Variants in PSMD9 observed in about 807,000 individuals in gnomAD.
PSMD9 encodes 26S proteasome non-ATPase regulatory subunit 9.
A neutral mutation model predicts 25.9 loss-of-function variants in PSMD9; 26 were observed. That is an observed-to-expected ratio of 1.00 (90% CI 0.73 to 1.39). PSMD9 has a LOEUF of 1.39. PSMD9 is among the 40% of genes most tolerant of loss of function. The probability of loss-of-function intolerance (pLI) is 0.00; values close to 1 mark genes in which losing one functional copy is unlikely to be tolerated. For synonymous variants in PSMD9, 110 were observed against 114.5 expected (o/e 0.96, Z 0.25); for missense variants, 303 against 299.3 (o/e 1.01, Z -0.09).
intron 3 of PSMD9, among the ~76,000 whole-genome samples, chr12:121,901,461 G>A (rs924370280): frequency 6.6e-6 from 1 of 152,000 alleles, no homozygotes; most frequent in South Asian, 2.1e-4. Flanking sequence ...TGATCCTCCT[G>A]TCTCAGCCTC....
At chr12:121,915,373 G>A (rs1403737083) in intron 4 of PSMD9, 1 of 152,342 alleles carries the variant, frequency 6.6e-6, no homozygotes, top group African/African-American at 2.4e-5. Context: ...TTCATACTTT[G>A]GTGGGGTTTT....
intron 4 of PSMD9, chr12:121,911,084 G>T: frequency 2.3e-6 from 1 of 438,256 alleles, no homozygotes; most frequent in Non-Finnish European, 4.6e-6. Context: ...CTGTTGCCCA[G>T]GCTGGAGTGC....
At chr12:121,914,909 T>G (rs1026434842) in intron 4 of PSMD9, 1 of 152,138 alleles carries the variant, frequency 6.6e-6, no homozygotes, top group South Asian at 2.1e-4. Context: ...TGGAAATATA[T>G]AAAAGTAAAC....
intron 4 of PSMD9, among the ~76,000 whole-genome samples, chr12:121,905,611 T>C (rs1214073641): frequency 1.3e-5 from 2 of 151,660 alleles, no homozygotes; most frequent in African/African-American, 4.9e-5. Context: ...CACTGCAACC[T>C]CTGCCTCCCA....
intron 3 of PSMD9, 87 bp from the exon 4 acceptor site, chr12:121,902,919 G>A: frequency 1.9e-6 from 2 of 1,051,866 alleles, no homozygotes; most frequent in African/African-American, 3.1e-5. Flanking sequence ...TCGTGACCTT[G>A]GCATTAAATT....
At chr12:121,891,657 G>A (rs1295037096) in intron 1 of PSMD9, among the ~76,000 whole-genome samples, 1 of 151,142 alleles carries the variant, frequency 6.6e-6, no homozygotes, top group African/African-American at 2.4e-5. Flanking sequence ...TGTAATCCCA[G>A]CACTTTGGAA....
chr12:121,905,411 A>G lies in PSMD9; in HGVS notation c.555+2304A>G, dbSNP rs1395253449. On this transcript the variant is annotated intron_variant, in intron 4 of 5. Coordinates refer to ENST00000541212, the MANE Select transcript of PSMD9 (RefSeq NM_002813.7). ...GCTAATTTTTTTGTATTTTTAGTAG[A>G]GATGGGGTTTCACTGTGTTAGCCAG... Among the ~76,000 whole-genome samples the G allele has an allele frequency of 1.3e-5, 2 of 150,170 alleles. 1 individual carries two copies. The highest frequency in any genetic ancestry group is 4.9e-5 in the African/African-American group (2 of 40,520).
chr12:121,901,515 AT>A (rs1282078559), intron 3 of PSMD9, among the ~76,000 whole-genome samples: 3 of 151,460 alleles, frequency 2.0e-5, no homozygotes, highest in Non-Finnish European at 4.4e-5. Flanking sequence ...TGCCTGGTTA[AT>A]TTTTTATTTC....
chr12:121,907,328 C>T (rs984693975), intron 4 of PSMD9, among the ~76,000 whole-genome samples: 1 of 152,000 alleles, frequency 6.6e-6, no homozygotes, highest in African/African-American at 2.4e-5. Context: ...CCTCGGCCTC[C>T]CAAAGTGCTG....
At position 121,888,888 on chromosome 12, in the gene PSMD9, G is replaced by C; in HGVS notation, c.32G>C (p.Gly11Ala). 1 of 1,602,568 alleles carries C rather than the reference G, an allele frequency of 6.2e-7. No homozygotes were observed. Among genetic ancestry groups the C allele is most frequent in the Non-Finnish European group, 8.5e-7 (1 of 1,175,494 alleles). ...GACGAGGAAGCGAGGCAGAGCGGAG[G>C]CTCCTCGCAGGCCGGCGTCGTGACT... is the stretch of plus-strand genomic sequence containing the variant. MSDEEARQSGGSSQAGVVTVS... is the reference protein window; with the variant it reads MSDEEARQSGASSQAGVVTVS... The change falls in exon 1 of 6, where the codon GGC (glycine) becomes GCC (alanine). Residue 11 changes from glycine to alanine, a missense_variant. Gly to Ala is a moderately conservative substitution (Grantham distance 60). Transcript: ENST00000541212.
Position 121,898,807 on chromosome 12 carries a change from C to T in PSMD9, c.242-827C>T, listed in dbSNP as rs148096077. The T allele has an allele frequency of 1.3e-3, 200 of 152,904 alleles. 5 individuals carry two copies. The East Asian group carries it at 0.036, about 28-fold the overall frequency. The allele number at this position is 152,904 out of a possible 1,614,324, so 9.5% of individuals were successfully genotyped here. A position where few individuals can be genotyped will look rare whatever the true frequency, so the allele number is the denominator to read the frequency against. ...CGCGATCTCGGCTCACTGCAATCTC[C>T]GCCTCCCTGGTTCACGCCAATCTCC... On this transcript the variant is annotated intron_variant, in intron 2 of 5. Coordinates refer to ENST00000541212, the MANE Select transcript of PSMD9 (RefSeq NM_002813.7).
intron 4 of PSMD9, chr12:121,915,585 T>G: frequency 2.5e-6 from 1 of 399,338 alleles, no homozygotes; most frequent in Non-Finnish European, 4.5e-6. Context: ...GTATGTCATC[T>G]TGCAATTGTG....
At chr12:121,892,485 G>C (rs1482969616) in intron 1 of PSMD9, among the ~76,000 whole-genome samples, 13 of 152,134 alleles carry the variant, frequency 8.5e-5, no homozygotes, top group Non-Finnish European at 1.5e-5. Context: ...CAGATCACGA[G>C]GTCAGGAGAT....
chr12:121,916,408 T>C lies in PSMD9; in HGVS notation c.*97T>C. 1 of 1,467,890 alleles carries C rather than the reference T, an allele frequency of 6.8e-7. No homozygotes were observed. Among genetic ancestry groups the C allele is most frequent in the South Asian group, 1.1e-5 (1 of 88,094 alleles). The allele number at this position is 1,467,890 out of a possible 1,614,324, so 90.9% of individuals were successfully genotyped here. A position where few individuals can be genotyped will look rare whatever the true frequency, so the allele number is the denominator to read the frequency against. ...GTCTTCTCTCCCTGAAGCATAAGGA[T>C]CTGGAAGAGGCTTGTAACCTGAACT... On this transcript the variant is annotated 3_prime_UTR_variant, in exon 6 of 6. Coordinates refer to ENST00000541212, the MANE Select transcript of PSMD9 (RefSeq NM_002813.7).
chr12:121,909,376 CA>C (rs1406260902), intron 4 of PSMD9, among the ~76,000 whole-genome samples: 1 of 150,978 alleles, frequency 6.6e-6, no homozygotes, highest in Non-Finnish European at 1.5e-5. Flanking sequence ...TGCAGTGGTG[CA>C]ATCATAGCTC....
Position 121,903,009 on chromosome 12 carries a change from C to G in PSMD9, c.457C>G (p.Leu153Val). Residue 153 changes from leucine (L) to valine (V), a missense_variant, in exon 4 of 6, where the codon CTG becomes GTG. Physicochemically the swap from Leu to Val is conservative, Grantham distance 32. Coordinates refer to ENST00000541212, the MANE Select transcript of PSMD9 (RefSeq NM_002813.7). ...CCATTTTTCCTTCCCTCTCCAGGGT[C>G]TGCAAGTGGATGATGAGATTGTGGA... ...SPGSPASIAGLQVDDEIVEFG... is the reference protein window; with the variant it reads ...SPGSPASIAGVQVDDEIVEFG... The G allele has an allele frequency of 1.2e-6, 2 of 1,613,736 alleles. No individual in the cohort carries two copies. The highest frequency in any genetic ancestry group is 1.7e-6 in the Non-Finnish European group (2 of 1,179,728).
At chr12:121,896,464 ACT>A (rs1879232229) in intron 2 of PSMD9, among the ~76,000 whole-genome samples, 1 of 151,114 alleles carries the variant, frequency 6.6e-6, no homozygotes, top group African/African-American at 2.4e-5. Flanking sequence ...AGCAAACAAA[ACT>A]CTGTCTCAAA....
chr12:121,889,818 C>T (rs766385954), intron 1 of PSMD9, among the ~76,000 whole-genome samples: 12 of 152,046 alleles, frequency 7.9e-5, no homozygotes, highest in Non-Finnish European at 1.3e-4. Context: ...TTTCTTATGC[C>T]ATCTAGTGTA....
intron 4 of PSMD9, among the ~76,000 whole-genome samples, chr12:121,912,868 C>CAAAAA (rs35325016): frequency 1.2e-5 from 1 of 85,700 alleles, no homozygotes; most frequent in African/African-American, 4.2e-5. Context: ...AACCCTGTCT[C>CAAAAA]AAAAAAAAAA....
Sources: gnomAD v4.1 joint callset for allele counts (sites outside exome capture counted in the v4.1 genomes callset) on GRCh38, gnomAD v4.1.1 for gene constraint, MANE v1.5 for transcripts, NCBI Gene and HGNC (gene_info 2026-07-23, HGNC 2026-07-21) for gene names.